NMNAT2: variants seen among roughly 807,000 people sequenced by gnomAD.
NMNAT2 encodes nicotinamide/nicotinic acid mononucleotide adenylyltransferase 2.
A neutral mutation model predicts 41.6 loss-of-function variants in NMNAT2; 11 were observed. The ratio of observed to expected loss-of-function variants is 0.26; its 90% CI spans 0.17 to 0.44. The LOEUF is 0.44. Among genes scored for constraint, NMNAT2 ranks in the 20% least tolerant of loss-of-function variants. The pLI, the probability that NMNAT2 is intolerant of heterozygous loss-of-function variation, is 1.00. For synonymous variants in NMNAT2, 148 were observed against 151.2 expected (o/e 0.98, Z 0.16); for missense variants, 288 against 407.7 (o/e 0.71, Z 2.53).
chr1:183,288,291 A>T (rs971276744), intron 4 of NMNAT2, among the ~76,000 whole-genome samples: 2 of 152,158 alleles, frequency 1.3e-5, no homozygotes, highest in African/African-American at 4.8e-5. Flanking sequence ...AGTTGTCCCA[A>T]GTCACCTGTT....
rs1443678072 is a variant in NMNAT2 at position 183,296,036 on chromosome 1, G to C, written c.86-2243C>G. ...GCTAATTTTTTGTATTTTTAGTAGA[G>C]ATGGGGTTTCACTATGTTAGCCAAA... On this transcript the variant is annotated intron_variant, in intron 1 of 10. Transcript: ENST00000287713. 3.3e-5 allele frequency among the ~76,000 whole-genome samples: 5 copies of C among 152,260 alleles called. No individual in the cohort carries two copies. The East Asian group carries it at 7.7e-4, about 24-fold the overall frequency.
chr1:183,269,166 G>A (rs985491376), intron 8 of NMNAT2, among the ~76,000 whole-genome samples: 2 of 152,158 alleles, frequency 1.3e-5, no homozygotes, highest in Admixed American at 6.5e-5. Flanking sequence ...TACGTGATAC[G>A]AAGGGATGGG....
intron 2 of NMNAT2, 72 bp downstream of exon 2, chr1:183,293,633 C>T: frequency 8.7e-7 from 1 of 1,150,066 alleles, no homozygotes. Flanking sequence ...GGCAGTTTTT[C>T]TGCCAGGAAC....
chr1:183,400,844 G>A (rs1382720903), intron 1 of NMNAT2, among the ~76,000 whole-genome samples: 3 of 152,116 alleles, frequency 2.0e-5, no homozygotes, highest in Non-Finnish European at 4.4e-5. Context: ...ATGGTGCTGG[G>A]AAAACTGGCT....
chr1:183,343,457 G>C (rs918327180), intron 1 of NMNAT2, among the ~76,000 whole-genome samples: 4 of 152,106 alleles, frequency 2.6e-5, no homozygotes, highest in Admixed American at 6.5e-5. Flanking sequence ...TATACTACTT[G>C]ATTAAATTTT....
intron 10 of NMNAT2, among the ~76,000 whole-genome samples, chr1:183,258,408 G>C (rs946498715): frequency 6.6e-6 from 1 of 152,154 alleles, no homozygotes; most frequent in Non-Finnish European, 1.5e-5. Context: ...CAGTGAAAGA[G>C]ATCTAACTTA....
At chr1:183,406,566 A>G (rs1420760217) in intron 1 of NMNAT2, among the ~76,000 whole-genome samples, 1 of 152,214 alleles carries the variant, frequency 6.6e-6, no homozygotes, top group African/African-American at 2.4e-5. Flanking sequence ...AGAAACTTGT[A>G]AAGATGTTTT....
chr1:183,273,457 G>A (rs1458876255), intron 8 of NMNAT2, among the ~76,000 whole-genome samples: 8 of 152,356 alleles, frequency 5.3e-5, no homozygotes, highest in East Asian at 1.9e-4. Flanking sequence ...ACCTGAAACA[G>A]AAGCAGGTCT....
chr1:183,366,420 A>G (rs1303012493), intron 1 of NMNAT2, among the ~76,000 whole-genome samples: 1 of 152,220 alleles, frequency 6.6e-6, no homozygotes. Flanking sequence ...AACTATCATC[A>G]TCATCATTAA....
intron 1 of NMNAT2, among the ~76,000 whole-genome samples, chr1:183,379,092 A>ATCTATATCTATATCTAT (rs142685154): frequency 0.033 from 3,820 of 115,122 alleles, 102 homozygotes; most frequent in African/African-American, 0.035. Context: ...CTATATCTAT[A>ATCTATATCTATATCTAT]ATCTATAATC....
intron 1 of NMNAT2, among the ~76,000 whole-genome samples, chr1:183,395,973 G>A (rs371781585): frequency 1.6e-4 from 24 of 152,260 alleles, no homozygotes; most frequent in Middle Eastern, 6.8e-3. Flanking sequence ...GTGACTCCTA[G>A]TTTGCTGTTG....
intron 1 of NMNAT2, among the ~76,000 whole-genome samples, chr1:183,390,001 A>G (rs929736583): frequency 2.6e-5 from 4 of 151,986 alleles, no homozygotes; most frequent in Middle Eastern, 3.4e-3. Flanking sequence ...AAGCTTTTAC[A>G]GGATAGTGCA....
chr1:183,301,301 C>T (rs1661845430), intron 1 of NMNAT2, among the ~76,000 whole-genome samples: 1 of 152,218 alleles, frequency 6.6e-6, no homozygotes, highest in Non-Finnish European at 1.5e-5. Context: ...GGAGCAGCCC[C>T]TGCCATGTTA....
intron 8 of NMNAT2, chr1:183,266,963 T>C (rs1660832950): frequency 6.1e-6 from 1 of 164,656 alleles, no homozygotes. Context: ...GAAGACCTCT[T>C]AGGCTCAGCA....
chr1:183,385,571 A>G (rs1387753031), intron 1 of NMNAT2, among the ~76,000 whole-genome samples: 1 of 152,108 alleles, frequency 6.6e-6, no homozygotes, highest in Non-Finnish European at 1.5e-5. Flanking sequence ...AACCAAAGCC[A>G]TGTGATATAA....
At chr1:183,256,774 CT>C (rs899239958) in intron 10 of NMNAT2, among the ~76,000 whole-genome samples, 35 of 151,370 alleles carry the variant, frequency 2.3e-4, no homozygotes, top group Non-Finnish European at 3.8e-4. Flanking sequence ...CTTGTGGTGT[CT>C]TTTTTTTTCT....
Position 183,252,341 on chromosome 1 carries a change from G to A in NMNAT2, c.*300C>T. On this transcript the variant is annotated 3_prime_UTR_variant, in exon 11 of 11. Transcript: ENST00000287713. ...TGCTGGGAGGATGGGCACCAGAGCC[G>A]CCTCTCTAGAGCATGCTGGGAGACG... The A allele has an allele frequency of 2.9e-6, 1 of 340,040 alleles. No individual in the cohort carries two copies. The highest frequency in any genetic ancestry group is 5.5e-6 in the Non-Finnish European group (1 of 180,998). The allele number at this position is 340,040 out of a possible 1,614,324, so 21.1% of individuals were successfully genotyped here. A position where few individuals can be genotyped will look rare whatever the true frequency, so the allele number is the denominator to read the frequency against.
In NMNAT2 at chr1:183,284,008, C is replaced by T. The variant is rs1661336840; in HGVS notation, c.561G>A (p.Arg187=). ...DENANLGTVM[R]YEEIELRILL... ...AGTCCCACTCACCAATCTCTTCATACCGCATCACCGTGCCCAGATTGGCAT... is the reference window on the plus strand; with the variant it reads ...AGTCCCACTCACCAATCTCTTCATATCGCATCACCGTGCCCAGATTGGCAT... Residue 187 remains arginine (R), a synonymous_variant, in exon 7 of 11, where the codon CGG becomes CGA. Coordinates refer to ENST00000287713, the MANE Select transcript of NMNAT2 (RefSeq NM_015039.4). The T allele has an allele frequency of 3.7e-6, 6 of 1,613,952 alleles. No homozygotes were observed. Among genetic ancestry groups the T allele is most frequent in the Non-Finnish European group, 5.1e-6 (6 of 1,179,984 alleles).
At chr1:183,413,438 G>A (rs1649169726) in intron 1 of NMNAT2, among the ~76,000 whole-genome samples, 1 of 152,098 alleles carries the variant, frequency 6.6e-6, no homozygotes, top group Admixed American at 6.5e-5. Flanking sequence ...GCACGGTGGT[G>A]GCTGTGAGCA....
Sources: allele counts gnomAD v4.1 joint callset (sites outside exome capture counted in the v4.1 genomes callset), GRCh38; gene constraint gnomAD v4.1.1; transcripts MANE v1.5; gene names NCBI Gene and HGNC (gene_info 2026-07-23, HGNC 2026-07-21).